The following NDUFAF6 variants were observed in gnomAD, a reference collection of about 807,000 sequenced individuals.
NDUFAF6 encodes NADH:ubiquinone oxidoreductase complex assembly factor 6.
In NDUFAF6, 45 loss-of-function variants were observed where a neutral mutation model predicts 40.8. That is an observed-to-expected ratio of 1.10 (90% confidence interval 0.87 to 1.42). NDUFAF6 has a LOEUF of 1.42. Ranked by LOEUF, NDUFAF6 falls within the 40% of genes most tolerant of loss-of-function variation. NDUFAF6 has a pLI of 0.00. For synonymous variants in NDUFAF6, 185 were observed against 155.9 expected, an observed-to-expected ratio of 1.19 and a Z score of -1.39; for missense variants, 435 against 418.5, an observed-to-expected ratio of 1.04 and a Z score of -0.34.
chr8:94,999,988 T>A (rs1262885830), intron 2 of NDUFAF6, among the ~76,000 whole-genome samples: 1 of 151,510 alleles, frequency 6.6e-6, no homozygotes. Flanking sequence ...TGGGGGAGGA[T>A]CCCTTGAGGC....
At position 94,917,318 on chromosome 8, in the gene NDUFAF6, T is replaced by G. The variant is rs568695450; in HGVS notation, c.-936+21391T>G. Among the ~76,000 whole-genome samples the G allele has an allele frequency of 3.3e-5, 5 of 152,274 alleles. No homozygotes were observed. The East Asian group carries it at 9.6e-4, about 29-fold the overall frequency. On this transcript the variant is annotated intron_variant, in intron 1 of 14. Coordinates refer to the NDUFAF6 transcript ENST00000396113. The stretch of plus-strand genomic sequence containing the variant: ...ATTTACAAATATCTTTGCATTAACC[T>G]CAAATCAGCAAGGTAGTCTAACGTA...
In NDUFAF6 at chr8:94,931,479, A is replaced by G. The variant is rs1365135328; in HGVS notation, c.-935-14004A>G. ...TAATCAAGTAGGATTGCTGTAAACT[A>G]TGTCAACACGTAACATGAAGAGCTG... On this transcript the variant is annotated intron_variant, in intron 1 of 14. Coordinates refer to the NDUFAF6 transcript ENST00000396113. Among the ~76,000 whole-genome samples the G allele has an allele frequency of 2.0e-5, 3 of 148,604 alleles. No homozygotes were observed. The South Asian group carries it at 6.3e-4, about 31-fold the overall frequency.
At chr8:95,107,299 TA>T (rs1437029716), downstream of NDUFAF6, among the ~76,000 whole-genome samples, 1 of 152,050 alleles carries the variant, frequency 6.6e-6, no homozygotes, top group Non-Finnish European at 1.5e-5. Flanking sequence ...TATACAGCCA[TA>T]AAAAAGGATG....
At chr8:94,932,248 A>G in intron 1 of NDUFAF6, 1 of 822,110 alleles carries the variant, frequency 1.2e-6, no homozygotes, top group Non-Finnish European at 1.9e-6. Context: ...GCTTAAGATA[A>G]CATGTAAAAC....
upstream of NDUFAF6, among the ~76,000 whole-genome samples, chr8:94,956,491 G>C (rs1823085001): frequency 6.6e-6 from 1 of 152,192 alleles, no homozygotes; most frequent in Non-Finnish European, 1.5e-5. Context: ...AGAGACTGGA[G>C]AAGGAGACCA....
At chr8:95,071,449 GC>G (rs1247220235) in intron 9 of NDUFAF6, among the ~76,000 whole-genome samples, 1 of 148,374 alleles carries the variant, frequency 6.7e-6, no homozygotes, top group East Asian at 2.0e-4. Flanking sequence ...TACCAGCACT[GC>G]ACCCTCATTA....
chr8:94,939,795 T>C, intron 1 of NDUFAF6: 1 of 1,560,618 alleles, frequency 6.4e-7, no homozygotes, highest in Non-Finnish European at 8.7e-7. Flanking sequence ...TAGCTTTGAA[T>C]TACAGTAGAG....
upstream of NDUFAF6, among the ~76,000 whole-genome samples, chr8:94,956,174 G>C (rs1823054711): frequency 6.6e-6 from 1 of 152,326 alleles, no homozygotes; most frequent in African/African-American, 2.4e-5. Flanking sequence ...AGGTTAATGA[G>C]ATAATGCATG....
chr8:95,117,415 A>G (rs529007649), downstream of NDUFAF6, among the ~76,000 whole-genome samples: 4 of 152,352 alleles, frequency 2.6e-5, no homozygotes, highest in South Asian at 8.3e-4. Flanking sequence ...AAAGCTCTCC[A>G]GGGATATTTA....
intron 1 of NDUFAF6, among the ~76,000 whole-genome samples, chr8:94,937,562 G>A (rs1430861603): frequency 2.0e-5 from 3 of 152,142 alleles, no homozygotes; most frequent in Non-Finnish European, 4.4e-5. Context: ...GAGGATGCTG[G>A]CATGACTTAT....
chr8:95,030,435 G>A (rs987181177), intron 1 of NDUFAF6, among the ~76,000 whole-genome samples: 3 of 151,964 alleles, frequency 2.0e-5, no homozygotes, highest in Non-Finnish European at 2.9e-5. Context: ...GTGTCTCACT[G>A]TGTTGTCCAG....
intron 2 of NDUFAF6, among the ~76,000 whole-genome samples, chr8:94,992,895 G>A (rs541352238): frequency 8.7e-4 from 133 of 152,290 alleles, no homozygotes; most frequent in African/African-American, 3.1e-3. Flanking sequence ...AAACCACAAG[G>A]AGTTTAAGGT....
chr8:95,087,446 C>CA (rs768632008), intron 2 of NDUFAF6, among the ~76,000 whole-genome samples: 3 of 152,140 alleles, frequency 2.0e-5, no homozygotes, highest in Non-Finnish European at 4.4e-5. Context: ...TTTTTCATCC[C>CA]ATCATTTGGC....
intron 1 of NDUFAF6, among the ~76,000 whole-genome samples, chr8:94,935,798 C>T (rs189312025): frequency 6.6e-6 from 1 of 152,294 alleles, no homozygotes; most frequent in Admixed American, 6.5e-5. Flanking sequence ...TTTAAGTGAG[C>T]TTTACGTAAA....
At chr8:94,952,631 G>T (rs999910202) in intron 2 of NDUFAF6, among the ~76,000 whole-genome samples, 1 of 152,226 alleles carries the variant, frequency 6.6e-6, no homozygotes, top group Non-Finnish European at 1.5e-5. Context: ...TGTGATTTCT[G>T]CTTTCTGAAA....
At chr8:94,917,691 TA>T (rs1197550557) in intron 1 of NDUFAF6, among the ~76,000 whole-genome samples, 2 of 152,156 alleles carry the variant, frequency 1.3e-5, no homozygotes, top group African/African-American at 2.4e-5. Context: ...CAAATTCTAT[TA>T]AAAAAATAGG....
At chr8:95,027,996 G>A (rs1471111245) in intron 1 of NDUFAF6, among the ~76,000 whole-genome samples, 1 of 152,246 alleles carries the variant, frequency 6.6e-6, no homozygotes, top group Admixed American at 6.5e-5. Flanking sequence ...GCCTCAGGCT[G>A]TAGTGAGAAG....
At chr8:95,118,159 A>T (rs1373429415), downstream of NDUFAF6, among the ~76,000 whole-genome samples, 2 of 152,206 alleles carry the variant, frequency 1.3e-5, no homozygotes, top group Admixed American at 1.3e-4. Context: ...CAACTGGAGC[A>T]CCTATGTGGC....
chr8:94,980,891 C>G (rs1825391596), exon 2 of NDUFAF6: 1 of 455,892 alleles, frequency 2.2e-6, no homozygotes, highest in Non-Finnish European at 4.4e-6. Flanking sequence ...GTGTCTGGAG[C>G]TCCACCCTCT....
Sources: gnomAD v4.1 joint callset for allele counts (sites outside exome capture counted in the v4.1 genomes callset) on GRCh38, gnomAD v4.1.1 for gene constraint, MANE v1.5 for transcripts, NCBI Gene and HGNC (gene_info 2026-07-23, HGNC 2026-07-21) for gene names.